The following IMMP2L variants were observed in gnomAD, a reference collection of about 807,000 sequenced individuals.
The protein encoded by IMMP2L is mitochondrial inner membrane protease subunit 2.
Under a neutral mutation model 19.3 loss-of-function variants are expected in IMMP2L, and 18 were observed. The ratio of observed to expected loss-of-function variants is 0.93; its 90% confidence interval spans 0.64 to 1.38. IMMP2L has a LOEUF of 1.38. Ranked by LOEUF, IMMP2L falls within the 40% of genes most tolerant of loss-of-function variation. The pLI is 0.00. For missense variants in IMMP2L, 233 were observed against 218.2 expected, an observed-to-expected ratio of 1.07 and a Z score of -0.43; for synonymous variants, 76 against 73.0, an observed-to-expected ratio of 1.04 and a Z score of -0.21.
intron 3 of IMMP2L, among the ~76,000 whole-genome samples, chr7:111,443,503 G>C (rs539152288): frequency 6.6e-6 from 1 of 152,212 alleles, no homozygotes; most frequent in African/African-American, 2.4e-5. Context: ...GTGCAGCTAA[G>C]CACAAAGAGC....
At chr7:111,336,211 A>T (rs1470508434) in intron 3 of IMMP2L, among the ~76,000 whole-genome samples, 2 of 144,950 alleles carry the variant, frequency 1.4e-5, no homozygotes, top group East Asian at 2.0e-4. Flanking sequence ...CAGGCCGGCT[A>T]TTTTTTTTTT....
Position 111,210,637 on chromosome 7 carries a change from G to GA in IMMP2L, c.240-247073dup, listed in dbSNP as rs577818809. 1.4e-3 allele frequency among the ~76,000 whole-genome samples: 211 copies of GA among 149,610 alleles called. 1 individual carries two copies. The highest frequency in any genetic ancestry group is 0.011 in the East Asian group (54 of 5,132). On this transcript the variant is annotated intron_variant, in intron 3 of 5. Transcript: ENST00000405709. Reference sequence around the variant, plus strand: ...TTCTAGTTTTACTACCTGGTTAATAGAAAAAAAAATACTACATCTGCCTAC... The same window carrying GA: ...TTCTAGTTTTACTACCTGGTTAATAGAAAAAAAAAATACTACATCTGCCTAC...
intron 3 of IMMP2L, among the ~76,000 whole-genome samples, chr7:111,226,588 T>C (rs548070337): frequency 6.6e-5 from 10 of 152,250 alleles, no homozygotes; most frequent in African/African-American, 1.4e-4. Context: ...TTGCGCTCTT[T>C]GATTTTCTGC....
chr7:110,763,101 G>T (rs1798450772), intron 5 of IMMP2L, among the ~76,000 whole-genome samples: 1 of 152,084 alleles, frequency 6.6e-6, no homozygotes, highest in Non-Finnish European at 1.5e-5. Flanking sequence ...GGAAAATGAA[G>T]AAATCCACAT....
chr7:110,937,060 G>A (rs1816197818), intron 4 of IMMP2L, among the ~76,000 whole-genome samples: 1 of 152,140 alleles, frequency 6.6e-6, no homozygotes, highest in South Asian at 2.1e-4. Context: ...TAGGGGGTTT[G>A]AGGGCTAGCG....
chr7:111,189,870 A>G (rs528242194), intron 3 of IMMP2L, among the ~76,000 whole-genome samples: 76 of 152,262 alleles, frequency 5.0e-4, no homozygotes, highest in African/African-American at 1.6e-3. Flanking sequence ...CTAAATGCTT[A>G]TTCAGACAAA....
In IMMP2L at chr7:111,275,385, G is replaced by T. The variant is rs144563273; in HGVS notation, c.239+211853C>A. Among the ~76,000 whole-genome samples, 13 of 152,234 alleles carry T rather than the reference G, an allele frequency of 8.5e-5. No homozygotes were observed. In the East Asian group the frequency reaches 2.5e-3, roughly 29 times the overall value. On this transcript the variant is annotated intron_variant, in intron 3 of 5. Coordinates refer to ENST00000405709, the MANE Select transcript of IMMP2L (RefSeq NM_032549.4). Reference sequence around the variant, plus strand: ...TTATGTTCTGAATTGAATTCCTAATGGTTTTGAACCAGAATTACTGTTCCC... The same window carrying T: ...TTATGTTCTGAATTGAATTCCTAATTGTTTTGAACCAGAATTACTGTTCCC...
chr7:111,162,914 A>G (rs566556003), intron 3 of IMMP2L, among the ~76,000 whole-genome samples: 1 of 152,164 alleles, frequency 6.6e-6, no homozygotes, highest in South Asian at 2.1e-4. Context: ...CAGCCCTAGG[A>G]TGACCCCATC....
At chr7:110,716,408 G>A (rs747139289) in intron 5 of IMMP2L, among the ~76,000 whole-genome samples, 34 of 152,136 alleles carry the variant, frequency 2.2e-4, no homozygotes, top group Non-Finnish European at 4.0e-4. Context: ...GGCTATGTAC[G>A]TAAGTGTGTT....
At chr7:110,868,073 T>G (rs1283643943) in intron 5 of IMMP2L, among the ~76,000 whole-genome samples, 2 of 151,504 alleles carry the variant, frequency 1.3e-5, no homozygotes, top group South Asian at 4.2e-4. Context: ...AAAAAGTTTT[T>G]ATCTGTAGCT....
intron 5 of IMMP2L, among the ~76,000 whole-genome samples, chr7:110,786,597 A>G (rs1485276499): frequency 6.6e-6 from 1 of 152,034 alleles, no homozygotes; most frequent in African/African-American, 2.4e-5. Flanking sequence ...TAAACCTAAC[A>G]CTAAGTATGA....
chr7:111,317,312 A>C (rs923777099), intron 3 of IMMP2L, among the ~76,000 whole-genome samples: 1 of 152,164 alleles, frequency 6.6e-6, no homozygotes, highest in Non-Finnish European at 1.5e-5. Context: ...CTGAACTAGA[A>C]ATAAATGAAG....
At chr7:110,861,133 GAGAC>G (rs1807379519) in intron 5 of IMMP2L, among the ~76,000 whole-genome samples, 2 of 145,412 alleles carry the variant, frequency 1.4e-5, no homozygotes, top group African/African-American at 2.5e-5. Flanking sequence ...GAGAGAGACA[GAGAC>G]AGAGAGACAG....
At chr7:111,234,310 C>T (rs962522945) in intron 3 of IMMP2L, among the ~76,000 whole-genome samples, 3 of 152,054 alleles carry the variant, frequency 2.0e-5, no homozygotes, top group African/African-American at 7.2e-5. Context: ...ATGCCAGTTA[C>T]ACCAGATTCA....
At chr7:111,039,511 T>C (rs1044959547) in intron 3 of IMMP2L, among the ~76,000 whole-genome samples, 2 of 151,976 alleles carry the variant, frequency 1.3e-5, no homozygotes, top group African/African-American at 4.8e-5. Flanking sequence ...ACCTGGAAAA[T>C]AAAAAACTAA....
intron 3 of IMMP2L, among the ~76,000 whole-genome samples, chr7:111,446,287 C>A (rs1483445476): frequency 6.7e-6 from 1 of 150,166 alleles, no homozygotes; most frequent in Non-Finnish European, 1.5e-5. Context: ...GCAGTAACCT[C>A]TGCAGACTTA....
chr7:111,190,332 G>C (rs16873261), intron 3 of IMMP2L, among the ~76,000 whole-genome samples: 19,026 of 151,954 alleles, frequency 0.13, 1,956 homozygotes, highest in African/African-American at 0.28. Context: ...TAGTCCTTCA[G>C]GCTTTAGTTA....
intron 5 of IMMP2L, among the ~76,000 whole-genome samples, chr7:110,730,736 A>G (rs572193507): frequency 2.6e-5 from 4 of 152,150 alleles, no homozygotes; most frequent in South Asian, 2.1e-4. Context: ...CGTTTTAGCC[A>G]GGATGTTCTT....
intron 3 of IMMP2L, among the ~76,000 whole-genome samples, chr7:111,430,085 T>C (rs1208336822): frequency 6.6e-6 from 1 of 151,922 alleles, no homozygotes; most frequent in African/African-American, 2.4e-5. Context: ...CATCATATTC[T>C]TAAGATACTC....
Sources: allele counts gnomAD v4.1 joint callset (sites outside exome capture counted in the v4.1 genomes callset), GRCh38; gene constraint gnomAD v4.1.1; transcripts MANE v1.5; gene names NCBI Gene and HGNC (gene_info 2026-07-23, HGNC 2026-07-21).